The following SUGCT variants were observed in gnomAD, a reference collection of about 807,000 sequenced individuals.
SUGCT encodes the protein succinyl-CoA:glutarate-CoA transferase, also known as succinyl-CoA:glutarate CoA-transferase.
In SUGCT, 41 loss-of-function variants were observed where a neutral mutation model predicts 55.0. The ratio of observed to expected loss-of-function variants is 0.74; its 90% CI spans 0.58 to 0.97. SUGCT has a LOEUF of 0.97. Ranked by LOEUF, SUGCT falls within the 50% of genes least tolerant of loss-of-function variation. The pLI, the probability that SUGCT is intolerant of heterozygous loss-of-function variation, is 0.00. For missense variants in SUGCT, 568 were observed against 547.8 expected, an observed-to-expected ratio of 1.04 and a Z score of -0.37; for synonymous variants, 187 against 200.4, an observed-to-expected ratio of 0.93 and a Z score of 0.56.
At chr7:40,239,726 C>G (rs1012695906) in intron 7 of SUGCT, among the ~76,000 whole-genome samples, 3 of 152,154 alleles carry the variant, frequency 2.0e-5, no homozygotes, top group African/African-American at 2.4e-5. Flanking sequence ...TCTTGTGTTA[C>G]CCTACTCAGG....
At chr7:40,188,382 A>G in intron 3 of SUGCT, 113 bp from the exon 4 acceptor site, 1 of 711,576 alleles carries the variant, frequency 1.4e-6, no homozygotes, top group South Asian at 1.8e-5. Context: ...TGCAGTGAGC[A>G]GAGATCGTTC....
At chr7:40,714,473 G>A (rs1356143027) in intron 12 of SUGCT, among the ~76,000 whole-genome samples, 1 of 151,560 alleles carries the variant, frequency 6.6e-6, no homozygotes, top group African/African-American at 2.5e-5. Flanking sequence ...TGGTTCTGCT[G>A]TAGTTTCTGT....
At chr7:40,322,698 G>T (rs865801803) in intron 9 of SUGCT, among the ~76,000 whole-genome samples, 1 of 152,160 alleles carries the variant, frequency 6.6e-6, no homozygotes, top group African/African-American at 2.4e-5. Flanking sequence ...GGTGGCTCAC[G>T]CCTGTAATCC....
At chr7:40,711,156 G>A (rs554914073) in intron 12 of SUGCT, among the ~76,000 whole-genome samples, 5 of 152,188 alleles carry the variant, frequency 3.3e-5, no homozygotes, top group African/African-American at 7.2e-5. Flanking sequence ...TGACCACTGC[G>A]CTGCCCAAGA....
chr7:40,290,983 G>A (rs779299115), intron 8 of SUGCT, among the ~76,000 whole-genome samples: 20 of 152,072 alleles, frequency 1.3e-4, no homozygotes, highest in Non-Finnish European at 2.5e-4. Flanking sequence ...TTAGAATGGC[G>A]ATCATTAAAA....
the SUGCT span, among the ~76,000 whole-genome samples, chr7:41,003,854 ATC>A: frequency 6.6e-6 from 1 of 152,204 alleles, no homozygotes; most frequent in Admixed American, 6.5e-5. Flanking sequence ...TGCTTTTCTT[ATC>A]TCTCTTTTCC....
At chr7:40,912,063 T>G in the SUGCT span, among the ~76,000 whole-genome samples, 3 of 152,344 alleles carry the variant, frequency 2.0e-5, no homozygotes, top group South Asian at 6.2e-4. Flanking sequence ...ACAAATTTAC[T>G]GCCCTGAAAT....
chr7:40,841,397 G>C (rs887435478), intron 13 of SUGCT, among the ~76,000 whole-genome samples: 3 of 152,018 alleles, frequency 2.0e-5, no homozygotes. Flanking sequence ...ATCTATTATA[G>C]ATGACGACAA....
chr7:40,652,141 A>G lies in SUGCT; in HGVS notation c.1090-97293A>G, dbSNP rs190419427. ...TTTCTTATTCCTTTTTGGGCAAATCATTTTCTCCATGTTGGTTTTCCTTTT... is the reference window on the plus strand; with the variant it reads ...TTTCTTATTCCTTTTTGGGCAAATCGTTTTCTCCATGTTGGTTTTCCTTTT... On this transcript the variant is annotated intron_variant, in intron 12 of 13. Coordinates refer to ENST00000335693, the MANE Select transcript of SUGCT (RefSeq NM_001193313.2). 3.5e-3 allele frequency among the ~76,000 whole-genome samples: 529 copies of G among 152,162 alleles called. 6 individuals are homozygous for G. The highest frequency in any genetic ancestry group is 0.031 in the East Asian group (159 of 5,174).
intron 9 of SUGCT, among the ~76,000 whole-genome samples, chr7:40,409,752 A>G (rs1243635391): frequency 1.3e-5 from 2 of 150,666 alleles, no homozygotes; most frequent in African/African-American, 2.4e-5. Flanking sequence ...CCCAGGCTGG[A>G]GTGCAGTGGC....
intron 1 of SUGCT, among the ~76,000 whole-genome samples, chr7:40,136,000 T>A (rs79966798): frequency 8.3e-6 from 1 of 120,198 alleles, no homozygotes; most frequent in East Asian, 2.1e-4. Context: ...GGATGCAGGA[T>A]TTTTTTTTTT....
chr7:40,380,953 CT>C (rs1784839395), intron 9 of SUGCT, among the ~76,000 whole-genome samples: 1 of 152,060 alleles, frequency 6.6e-6, no homozygotes, highest in South Asian at 2.1e-4. Flanking sequence ...AAATGCGTAG[CT>C]TTTTCTTTCT....
intron 3 of SUGCT, 87 bp downstream of exon 3, chr7:40,182,115 A>G (rs36019419): frequency 0.026 from 19,126 of 725,044 alleles, 278 homozygotes; most frequent in Non-Finnish European, 0.033. Context: ...TAGTGTACCT[A>G]TAAGTGGGAT....
chr7:40,436,679 T>C (rs1159779273), intron 9 of SUGCT, among the ~76,000 whole-genome samples: 1 of 152,170 alleles, frequency 6.6e-6, no homozygotes, highest in Non-Finnish European at 1.5e-5. Context: ...TATTGTAACA[T>C]GTTTGAGATA....
intron 12 of SUGCT, among the ~76,000 whole-genome samples, chr7:40,498,482 C>T (rs1359594232): frequency 2.0e-5 from 3 of 152,122 alleles, no homozygotes; most frequent in Non-Finnish European, 2.9e-5. Context: ...TTTTAAAATC[C>T]TCCCCACCAG....
chr7:40,579,942 G>T (rs1475814373), intron 12 of SUGCT, among the ~76,000 whole-genome samples: 2 of 152,130 alleles, frequency 1.3e-5, no homozygotes, highest in Non-Finnish European at 2.9e-5. Context: ...ATCAGGTCAG[G>T]TTTATTCTAA....
the SUGCT span, among the ~76,000 whole-genome samples, chr7:40,931,745 A>G: frequency 6.6e-6 from 1 of 152,112 alleles, no homozygotes; most frequent in Non-Finnish European, 1.5e-5. Context: ...GGTGGTTTGT[A>G]TTTCTGTGGG....
chr7:40,176,237 A>AG (rs925214948), intron 1 of SUGCT, among the ~76,000 whole-genome samples: 3 of 152,058 alleles, frequency 2.0e-5, no homozygotes, highest in Admixed American at 2.0e-4. Context: ...AAAAAAAAAA[A>AG]AAATTTAGTG....
At chr7:40,586,651 A>G (rs1387422846) in intron 12 of SUGCT, among the ~76,000 whole-genome samples, 1 of 152,220 alleles carries the variant, frequency 6.6e-6, no homozygotes, top group African/African-American at 2.4e-5. Context: ...TAGGGACAGT[A>G]GTAATAATAA....
Sources: gnomAD v4.1 joint callset for allele counts (sites outside exome capture counted in the v4.1 genomes callset) on GRCh38, gnomAD v4.1.1 for gene constraint, MANE v1.5 for transcripts, NCBI Gene and HGNC (gene_info 2026-07-23, HGNC 2026-07-21) for gene names.